The following ANK3 variants were observed in gnomAD, a reference collection of about 807,000 sequenced individuals.
ANK3 encodes the protein ankyrin-3.
A neutral mutation model predicts 370.9 loss-of-function variants in ANK3; 57 were observed. That is an observed-to-expected ratio of 0.15 (90% CI 0.12 to 0.19). The LOEUF is 0.19. ANK3 is among the 10% of genes least tolerant of loss of function. The pLI, the probability that ANK3 is intolerant of heterozygous loss-of-function variation, is 1.00. For missense variants in ANK3, 4,439 were observed against 5,302.1 expected (o/e 0.84, Z 5.06); for synonymous variants, 1,929 against 1,946.3 (o/e 0.99, Z 0.23).
rs541601416 is a variant in ANK3 at position 60,114,734 on chromosome 10, C to T, written c.2842-403G>A. 8.5e-5 allele frequency among the ~76,000 whole-genome samples: 13 copies of T among 152,212 alleles called. 1 individual carries two copies. In the East Asian group the frequency reaches 2.5e-3, roughly 29 times the overall value. On this transcript the variant is annotated intron_variant, in intron 25 of 43. Transcript: ENST00000280772. ...TGATGACTTCTGGTTCCAAGTGGGG[C>T]GGAGTAGCTAGTAGCAGCCTAGTGC...
intron 2 of ANK3, among the ~76,000 whole-genome samples, chr10:60,455,235 A>C (rs1022086108): frequency 3.9e-5 from 6 of 152,202 alleles, no homozygotes; most frequent in African/African-American, 1.4e-4. Flanking sequence ...CCCAAATTTC[A>C]AACTAGGCAT....
chr10:60,417,628 G>A (rs911101548), intron 2 of ANK3, among the ~76,000 whole-genome samples: 3 of 152,206 alleles, frequency 2.0e-5, no homozygotes. Context: ...AGAAAGAATG[G>A]ATGAAAATCT....
chr10:60,141,561 GTTTTTTT>G (rs36033791), intron 23 of ANK3, among the ~76,000 whole-genome samples: 2 of 49,032 alleles, frequency 4.1e-5, no homozygotes, highest in Admixed American at 2.6e-4. Flanking sequence ...TTCAATTGCT[GTTTTTTT>G]TTTTTTTTTT....
rs764765603 is a variant in ANK3, at chr10:60,074,145, T to A, written c.6736A>T (p.Ile2246Leu). The A allele has an allele frequency of 6.2e-7, 1 of 1,613,962 alleles. No individual in the cohort carries two copies. Among genetic ancestry groups the A allele is most frequent in the South Asian group, 1.1e-5 (1 of 91,054 alleles). Reference sequence around the variant, plus strand: ...TAAACCATTCTGGTGGTTGTGGTTATGTGAGTCTCTTCTTTAACACGCATG... The same window carrying A: ...TAAACCATTCTGGTGGTTGTGGTTAAGTGAGTCTCTTCTTTAACACGCATG... Reference protein sequence around the residue: ...KGMRVKEETHITTTTRMVYHS... With the variant: ...KGMRVKEETHLTTTTRMVYHS... Residue 2246 changes from isoleucine to leucine, a missense_variant, in exon 37 of 44, where the codon ATA becomes TTA. Physicochemically the swap from Ile to Leu is conservative, Grantham distance 5. Around this residue, in one of 13 missense-constraint regions of ANK3, gnomAD observed 1,601 missense variants for 1,731.7 expected, o/e 0.92. Transcript: ENST00000280772.
At chr10:60,198,311 G>A in intron 14 of ANK3, 29 bp downstream of exon 14, 3 of 1,610,888 alleles carry the variant, frequency 1.9e-6, no homozygotes. Context: ...TGGGGGGACA[G>A]AGCAGGATTC....
At chr10:60,085,392 A>C (rs2086403402) in intron 30 of ANK3, 139 bp from the exon 31 acceptor site, 1 of 514,224 alleles carries the variant, frequency 1.9e-6, no homozygotes. Flanking sequence ...TGTGTACTAA[A>C]GGTAGTTTTC....
intron 1 of ANK3, among the ~76,000 whole-genome samples, chr10:60,335,161 C>T (rs2052510649): frequency 6.6e-6 from 1 of 152,140 alleles, no homozygotes; most frequent in East Asian, 1.9e-4. Context: ...GTATGGAATG[C>T]TTCCCGAGTT....
chr10:60,395,596 C>CTTTCTTTCTTTCTT (rs1555367197), intron 2 of ANK3, among the ~76,000 whole-genome samples: 9 of 123,958 alleles, frequency 7.3e-5, no homozygotes, highest in African/African-American at 2.8e-4. Context: ...TTCTTTCTTT[C>CTTTCTTTCTTTCTT]TTTCTTTCTT....
chr10:60,402,198 G>C (rs1235138790), intron 2 of ANK3, among the ~76,000 whole-genome samples: 1 of 152,072 alleles, frequency 6.6e-6, no homozygotes. Flanking sequence ...ATGGATCATA[G>C]AGCAGTAATA....
At chr10:60,304,513 C>T (rs149428803) in intron 1 of ANK3, among the ~76,000 whole-genome samples, 3,716 of 151,882 alleles carry the variant, frequency 0.024, 137 homozygotes, top group African/African-American at 0.081. Flanking sequence ...TGTGGTGGCG[C>T]GCACTTGTAA....
chr10:60,166,924 T>C, intron 21 of ANK3, 28 bp from the exon 22 acceptor site: 1 of 1,591,640 alleles, frequency 6.3e-7, no homozygotes, highest in Non-Finnish European at 8.6e-7. Flanking sequence ...GTCATTTTAG[T>C]GTGAGCAGAC....
chr10:60,112,066 T>A (rs2092752192), intron 26 of ANK3, among the ~76,000 whole-genome samples: 1 of 152,216 alleles, frequency 6.6e-6, no homozygotes, highest in Non-Finnish European at 1.5e-5. Flanking sequence ...TTGTCTCTCT[T>A]GTCTTCAATA....
intron 2 of ANK3, among the ~76,000 whole-genome samples, chr10:60,428,372 C>T (rs909331231): frequency 1.3e-5 from 2 of 152,292 alleles, no homozygotes; most frequent in Non-Finnish European, 2.9e-5. Flanking sequence ...CCTCATTTTA[C>T]ATGGTGCTGT....
At chr10:60,705,817 TTTC>T (rs1293729717) in intron 1 of ANK3, among the ~76,000 whole-genome samples, 85 of 120,162 alleles carry the variant, frequency 7.1e-4, no homozygotes, top group African/African-American at 2.3e-3. Context: ...GGTTTTTTTT[TTTC>T]TTTCTTTTTT....
At chr10:60,239,758 T>C (rs2097396295) in intron 7 of ANK3, among the ~76,000 whole-genome samples, 1 of 151,744 alleles carries the variant, frequency 6.6e-6, no homozygotes, top group Non-Finnish European at 1.5e-5. Flanking sequence ...AAACAACAAA[T>C]TGTGGGGTTT....
intron 2 of ANK3, among the ~76,000 whole-genome samples, chr10:60,436,783 G>T (rs1172715940): frequency 6.6e-6 from 1 of 152,162 alleles, no homozygotes; most frequent in East Asian, 1.9e-4. Flanking sequence ...AATGTCCCTT[G>T]AAGCACAAAA....
chr10:60,095,145 A>C (rs979004911), intron 28 of ANK3, among the ~76,000 whole-genome samples: 1 of 152,222 alleles, frequency 6.6e-6, no homozygotes, highest in African/African-American at 2.4e-5. Flanking sequence ...AGTTGTTTTA[A>C]AAATTAGGTG....
At chr10:60,544,122 A>C (rs1379185195) in intron 2 of ANK3, among the ~76,000 whole-genome samples, 3 of 152,220 alleles carry the variant, frequency 2.0e-5, no homozygotes, top group Non-Finnish European at 4.4e-5. Context: ...TAGAAAGCAA[A>C]ATGTACTGTA....
intron 2 of ANK3, among the ~76,000 whole-genome samples, chr10:60,404,224 A>T (rs1473173016): frequency 9.2e-5 from 14 of 152,070 alleles, no homozygotes; most frequent in Non-Finnish European, 2.9e-5. Context: ...TTTTTTTTTA[A>T]AAAAATAGAC....
Sources: allele counts gnomAD v4.1 joint callset (sites outside exome capture counted in the v4.1 genomes callset), GRCh38; gene constraint gnomAD v4.1.1; regional missense constraint gnomAD v4.1.1; transcripts MANE v1.5; gene names NCBI Gene and HGNC (gene_info 2026-07-23, HGNC 2026-07-21).